CHCHD3: variants seen among roughly 807,000 people sequenced by gnomAD.
CHCHD3 encodes the protein coiled-coil-helix-coiled-coil-helix domain containing 3, also known as MICOS complex subunit MIC19.
In CHCHD3, 20 loss-of-function variants were observed where a neutral mutation model predicts 38.2. That is an observed-to-expected ratio of 0.52 (90% CI 0.37 to 0.76). The LOEUF is 0.76. CHCHD3 is among the 30% of genes least tolerant of loss of function. CHCHD3 has a pLI of 0.00. For missense variants in CHCHD3, 245 were observed against 279.2 expected (o/e 0.88, Z 0.87); for synonymous variants, 82 against 100.0 (o/e 0.82, Z 1.07).
intron 4 of CHCHD3, among the ~76,000 whole-genome samples, chr7:132,909,405 C>T (rs573733810): frequency 2.0e-5 from 3 of 152,206 alleles, no homozygotes; most frequent in East Asian, 1.9e-4. Flanking sequence ...GCAGGAGAAT[C>T]GCTTGAACCC....
intron 5 of CHCHD3, among the ~76,000 whole-genome samples, chr7:132,877,424 C>T (rs2117160750): frequency 6.6e-6 from 1 of 152,280 alleles, no homozygotes; most frequent in South Asian, 2.1e-4. Flanking sequence ...TAATAAACTT[C>T]CTTTAGGAAA....
In CHCHD3 at chr7:132,987,418, A is replaced by G. The variant is rs542429300; in HGVS notation, c.252-12132T>C. Among the ~76,000 whole-genome samples the G allele has an allele frequency of 1.7e-3, 253 of 152,346 alleles. 1 individual carries two copies. The highest frequency in any genetic ancestry group is 2.9e-3 in the Non-Finnish European group (200 of 68,038). The stretch of plus-strand genomic sequence containing the variant: ...CAGAGTCAACCAGGGAAATCATGAA[A>G]GAGATTGTGAATATAACCAAAAAAG... On this transcript the variant is annotated intron_variant, in intron 3 of 7. Coordinates refer to ENST00000262570, the MANE Select transcript of CHCHD3 (RefSeq NM_017812.4).
chr7:132,811,391 C>T (rs1341159557), intron 6 of CHCHD3, among the ~76,000 whole-genome samples: 2 of 152,298 alleles, frequency 1.3e-5, no homozygotes, highest in Non-Finnish European at 1.5e-5. Context: ...CAAGTAAGCA[C>T]CTGAAATATG....
At chr7:132,870,351 C>CG (rs1808736951) in intron 5 of CHCHD3, among the ~76,000 whole-genome samples, 1 of 99,390 alleles carries the variant, frequency 1.0e-5, no homozygotes, top group Non-Finnish European at 2.0e-5. Flanking sequence ...CCTATCTCAC[C>CG]AAAAAAAAAA....
At chr7:132,919,746 C>T (rs1810211465) in intron 4 of CHCHD3, among the ~76,000 whole-genome samples, 2 of 152,182 alleles carry the variant, frequency 1.3e-5, no homozygotes, top group Admixed American at 1.3e-4. Flanking sequence ...GATGTCTTGT[C>T]TTGCTTCAGC....
chr7:132,963,544 G>C (rs1811379689), intron 4 of CHCHD3, among the ~76,000 whole-genome samples: 1 of 151,312 alleles, frequency 6.6e-6, no homozygotes, highest in Non-Finnish European at 1.5e-5. Flanking sequence ...AGGCAGAATG[G>C]AGTGAACCCA....
chr7:132,987,745 T>C (rs1475241418), intron 3 of CHCHD3, among the ~76,000 whole-genome samples: 3 of 152,104 alleles, frequency 2.0e-5, no homozygotes, highest in Non-Finnish European at 2.9e-5. Flanking sequence ...TGTAGAAACA[T>C]TTTTAGAGAA....
At chr7:133,027,030 T>C (rs1272216697) in intron 2 of CHCHD3, among the ~76,000 whole-genome samples, 5 of 151,798 alleles carry the variant, frequency 3.3e-5, no homozygotes, top group African/African-American at 9.7e-5. Context: ...CTCCGCCTCC[T>C]GGGTTCAAGT....
intron 7 of CHCHD3, among the ~76,000 whole-genome samples, chr7:132,786,668 C>T (rs1806328137): frequency 6.6e-6 from 1 of 152,176 alleles, no homozygotes; most frequent in South Asian, 2.1e-4. Context: ...TCCCGCCAAC[C>T]CGCACCCTTC....
At chr7:132,947,583 T>C (rs984012516) in intron 4 of CHCHD3, among the ~76,000 whole-genome samples, 4 of 152,038 alleles carry the variant, frequency 2.6e-5, no homozygotes, top group African/African-American at 9.7e-5. Context: ...TTAACAGACA[T>C]TGAAAGACTC....
At chr7:132,786,120 G>C (rs964396538) in intron 7 of CHCHD3, among the ~76,000 whole-genome samples, 1 of 152,208 alleles carries the variant, frequency 6.6e-6, no homozygotes, top group Non-Finnish European at 1.5e-5. Flanking sequence ...AGAGGGTGCA[G>C]TGAGCCATGA....
chr7:132,905,217 T>G (rs375594508), intron 4 of CHCHD3, among the ~76,000 whole-genome samples: 1 of 152,220 alleles, frequency 6.6e-6, no homozygotes, highest in Non-Finnish European at 1.5e-5. Context: ...CTGCACGTTG[T>G]GTACATGTAC....
At chr7:132,861,648 T>C (rs1424212745) in intron 5 of CHCHD3, among the ~76,000 whole-genome samples, 2 of 152,214 alleles carry the variant, frequency 1.3e-5, no homozygotes, top group East Asian at 1.9e-4. Flanking sequence ...TGAAGCTTTA[T>C]GGGTCACATG....
At chr7:132,954,889 G>A (rs1424854931) in intron 4 of CHCHD3, among the ~76,000 whole-genome samples, 3 of 152,178 alleles carry the variant, frequency 2.0e-5, no homozygotes, top group Admixed American at 6.5e-5. Context: ...ATCACAGACT[G>A]CATGTGTCTC....
At chr7:132,886,965 G>A in intron 4 of CHCHD3, 1 of 1,302,456 alleles carries the variant, frequency 7.7e-7, no homozygotes, top group Non-Finnish European at 9.8e-7. Context: ...TTATTGTTTT[G>A]CTACTTACTT....
chr7:132,866,414 G>A (rs2160894), intron 5 of CHCHD3, among the ~76,000 whole-genome samples: 108,410 of 152,110 alleles, frequency 0.71, 38,728 homozygotes, highest in African/African-American at 0.75. Context: ...GTTTAATTAA[G>A]TAACTCAGCA....
chr7:132,809,692 GT>G (rs1302425082), intron 6 of CHCHD3, among the ~76,000 whole-genome samples: 1 of 152,210 alleles, frequency 6.6e-6, no homozygotes, highest in African/African-American at 2.4e-5. Context: ...TTGCAAGGTT[GT>G]TTTCAAACAC....
chr7:133,022,325 A>G (rs1470952484), intron 3 of CHCHD3: 5 of 454,296 alleles, frequency 1.1e-5, no homozygotes, highest in Non-Finnish European at 2.2e-5. Flanking sequence ...GGTATATACC[A>G]TATGAGTAAC....
intron 3 of CHCHD3, among the ~76,000 whole-genome samples, chr7:133,008,436 A>G (rs1340516146): frequency 2.6e-5 from 4 of 151,982 alleles, no homozygotes; most frequent in Admixed American, 1.3e-4. Context: ...AAAAAAAAAA[A>G]AGAAAAAAAA....
Sources: allele counts gnomAD v4.1 joint callset (sites outside exome capture counted in the v4.1 genomes callset), GRCh38; gene constraint gnomAD v4.1.1; transcripts MANE v1.5; gene names NCBI Gene and HGNC (gene_info 2026-07-23, HGNC 2026-07-21).